CAMSAP1: variants seen among roughly 807,000 people sequenced by gnomAD.
CAMSAP1 encodes the protein calmodulin regulated spectrin associated protein 1.
In CAMSAP1, 58 loss-of-function variants were observed where a neutral mutation model predicts 143.5. The ratio of observed to expected loss-of-function variants is 0.40; its 90% confidence interval spans 0.33 to 0.50. The LOEUF (loss-of-function observed/expected upper bound fraction) is 0.50, where lower values mean the gene tolerates loss of function less well. Among genes scored for constraint, CAMSAP1 ranks in the 20% least tolerant of loss-of-function variants. The pLI is 0.45. For missense variants in CAMSAP1, 1,969 were observed against 2,115.7 expected, an observed-to-expected ratio of 0.93 and a Z score of 1.36; for synonymous variants, 945 against 859.3, an observed-to-expected ratio of 1.10 and a Z score of -1.74.
At chr9:135,823,328 G>T in intron 10 of CAMSAP1, 68 bp from the exon 11 acceptor site, 1 of 1,488,520 alleles carries the variant, frequency 6.7e-7, no homozygotes. Context: ...ATGGACCAGG[G>T]GGTGAGAATG....
chr9:135,877,366 G>A (rs1420104871), intron 3 of CAMSAP1, among the ~76,000 whole-genome samples: 1 of 152,018 alleles, frequency 6.6e-6, no homozygotes, highest in Non-Finnish European at 1.5e-5. Context: ...AAAGCACCAT[G>A]AAAGAGCTTG....
At chr9:135,847,848 AGG>A in intron 7 of CAMSAP1, among the ~76,000 whole-genome samples, 1 of 12,276 alleles carries the variant, frequency 8.1e-5, no homozygotes, top group Admixed American at 1.1e-3. Flanking sequence ...AGGGAAGGGG[AGG>A]GGAGTGGGGG....
intron 4 of CAMSAP1, among the ~76,000 whole-genome samples, chr9:135,863,303 A>G (rs1423984300): frequency 2.0e-5 from 3 of 152,174 alleles, no homozygotes; most frequent in Admixed American, 1.3e-4. Flanking sequence ...CTGCCCCTGT[A>G]TCTGCATGTC....
chr9:135,858,240 A>G (rs1184641862), intron 5 of CAMSAP1, among the ~76,000 whole-genome samples: 1 of 151,820 alleles, frequency 6.6e-6, no homozygotes, highest in East Asian at 1.9e-4. Flanking sequence ...GGAATCTGTA[A>G]TTCAGTTCCT....
At chr9:135,889,315 A>T (rs1274698301) in intron 1 of CAMSAP1, among the ~76,000 whole-genome samples, 1 of 152,172 alleles carries the variant, frequency 6.6e-6, no homozygotes, top group Non-Finnish European at 1.5e-5. Context: ...ACGGCCTCCA[A>T]ATACAATATT....
chr9:135,822,456 C>A lies in CAMSAP1; in HGVS notation c.2205G>T (p.Arg735Ser). Residue 735 changes from arginine (R) to serine (S), a missense_variant, in exon 11 of 17, where the codon AGG becomes AGT. By Grantham distance (110) the Arg-to-Ser change is moderately radical. This residue lies in a region of CAMSAP1 where 1,390 missense variants were observed against 1,420.8 expected (regional missense o/e 0.98). Transcript: ENST00000389532. The surrounding 1 kb of genome is among the most constrained non-coding windows in gnomAD (Gnocchi z 6.1). Reference sequence around the variant, plus strand: ...CCACCACATCCGAGTCAGAATCCTGCCTGAGGAGAGTCCACGGCTCTGAAT... The same window carrying A: ...CCACCACATCCGAGTCAGAATCCTGACTGAGGAGAGTCCACGGCTCTGAAT... ...SHDSEPWTLLRQDSDSDVVDI... is the reference protein window; with the variant it reads ...SHDSEPWTLLSQDSDSDVVDI... The A allele has an allele frequency of 6.2e-7, 1 of 1,614,008 alleles. No individual in the cohort carries two copies. Among genetic ancestry groups the A allele is most frequent in the Non-Finnish European group, 8.5e-7 (1 of 1,179,900 alleles).
intron 4 of CAMSAP1, chr9:135,865,276 G>C: frequency 6.5e-7 from 1 of 1,528,882 alleles, no homozygotes; most frequent in Non-Finnish European, 8.8e-7. Context: ...ATGGAAGCAA[G>C]TGATCGCGAC....
intron 4 of CAMSAP1, chr9:135,865,353 C>T (rs765724948): frequency 5.2e-5 from 80 of 1,550,520 alleles, no homozygotes; most frequent in South Asian, 8.3e-5. Context: ...TCCAATACCA[C>T]TTGGAGGGAG....
chr9:135,850,494 T>C, intron 5 of CAMSAP1, 33 bp from the exon 6 acceptor site: 3 of 1,521,500 alleles, frequency 2.0e-6, no homozygotes, highest in Non-Finnish European at 2.6e-6. Flanking sequence ...CAATTTATTG[T>C]AAAGGTATTC....
chr9:135,901,216 T>C (rs1309479120), intron 1 of CAMSAP1, among the ~76,000 whole-genome samples: 1 of 152,220 alleles, frequency 6.6e-6, no homozygotes, highest in Non-Finnish European at 1.5e-5. Flanking sequence ...CCACAGCCAC[T>C]GTCAATCAGT....
rs188600052 is a variant in CAMSAP1 at position 135,851,530 on chromosome 9, G to A, written c.809-1069C>T. ...TTTCTTTTTTAGAAATAAAACAGCC[G>A]AAGTCATCTCCATCTCCAAAGGGAA... On this transcript the variant is annotated intron_variant, in intron 5 of 16. Transcript: ENST00000389532. Among the ~76,000 whole-genome samples the A allele has an allele frequency of 8.5e-5, 13 of 152,148 alleles. 1 individual carries two copies. Among genetic ancestry groups the A allele is most frequent in the Admixed American group, 2.0e-4 (3 of 15,284 alleles).
chr9:135,834,551 G>A (rs1438673038), intron 7 of CAMSAP1, among the ~76,000 whole-genome samples: 1 of 152,206 alleles, frequency 6.6e-6, no homozygotes, highest in Non-Finnish European at 1.5e-5. Flanking sequence ...GCCAGACACA[G>A]AAAGAAAAAT....
intron 3 of CAMSAP1, among the ~76,000 whole-genome samples, chr9:135,867,887 C>A (rs1284898998): frequency 6.6e-6 from 1 of 152,214 alleles, no homozygotes; most frequent in Non-Finnish European, 1.5e-5. Context: ...AGGGGCCCTG[C>A]AAACAACCCC....
At chr9:135,829,122 G>A (rs893231349) in intron 7 of CAMSAP1, among the ~76,000 whole-genome samples, 1 of 152,174 alleles carries the variant, frequency 6.6e-6, no homozygotes, top group Non-Finnish European at 1.5e-5. Context: ...AGTATGAAAC[G>A]TATTGGTAAA....
At chr9:135,850,110 C>T (rs1176613544) in intron 7 of CAMSAP1, 27 bp downstream of exon 7, 4 of 1,570,088 alleles carry the variant, frequency 2.5e-6, no homozygotes, top group East Asian at 2.3e-5. Context: ...GAAACCATTG[C>T]CAACCTGGGG....
chr9:135,843,987 C>G (rs112426947), intron 7 of CAMSAP1, among the ~76,000 whole-genome samples: 5,502 of 151,560 alleles, frequency 0.036, 309 homozygotes, highest in African/African-American at 0.12. Context: ...AAGAGACTTA[C>G]ACTGCCACAC....
Position 135,821,549 on chromosome 9 carries a change from T to C in CAMSAP1, c.3112A>G (p.Ile1038Val). The C allele has an allele frequency of 6.2e-7, 1 of 1,614,022 alleles. No homozygotes were observed. The highest frequency in any genetic ancestry group is 8.5e-7 in the Non-Finnish European group (1 of 1,179,888). The change falls in exon 11 of 17, where the codon ATC becomes GTC. Residue 1038 changes from isoleucine (I) to valine (V), a missense_variant. Ile to Val is a conservative substitution (Grantham distance 29). Coordinates refer to ENST00000389532, the MANE Select transcript of CAMSAP1 (RefSeq NM_015447.4). This position sits in a 1 kb window ranked among gnomAD's most constrained non-coding sequence, Gnocchi z 4.6. ...TCTTGCTGCTGAGAGATTTTCAGGA[T>C]GGCCTGCTGCAGCGTACTGATGGTT... Reference protein sequence around the residue: ...NETISTLQQAILKISQQQEQL... With the variant: ...NETISTLQQAVLKISQQQEQL...
At chr9:135,850,599 G>C (rs967175545) in intron 5 of CAMSAP1, 138 bp from the exon 6 acceptor site, 2 of 659,088 alleles carry the variant, frequency 3.0e-6, no homozygotes, top group African/African-American at 3.7e-5. Context: ...GGGAGTATAG[G>C]ATGTACAACA....
intron 3 of CAMSAP1, among the ~76,000 whole-genome samples, chr9:135,876,957 C>T (rs1162332330): frequency 1.3e-5 from 2 of 152,006 alleles, no homozygotes; most frequent in Non-Finnish European, 2.9e-5. Flanking sequence ...TGCAGTGAGC[C>T]GAGACCTTGC....
Sources: allele counts gnomAD v4.1 joint callset (sites outside exome capture counted in the v4.1 genomes callset), GRCh38; gene constraint gnomAD v4.1.1; regional missense constraint gnomAD v4.1.1; non-coding constraint Gnocchi (gnomAD v3.1); transcripts MANE v1.5; gene names NCBI Gene and HGNC (gene_info 2026-07-23, HGNC 2026-07-21).